MRM1: variants seen among roughly 807,000 people sequenced by gnomAD.
MRM1 encodes rRNA methyltransferase 1, mitochondrial.
A neutral mutation model predicts 25.0 loss-of-function variants in MRM1; 24 were observed. The observed-to-expected ratio is 0.96, with a 90% confidence interval of 0.69 to 1.35. MRM1 has a LOEUF of 1.35. Ranked by LOEUF, MRM1 falls within the 40% of genes most tolerant of loss-of-function variation. The pLI is 0.00. For missense variants in MRM1, 431 were observed against 464.1 expected (o/e 0.93, Z 0.65); for synonymous variants, 188 against 199.2 (o/e 0.94, Z 0.47).
the MRM1 span, among the ~76,000 whole-genome samples, chr17:36,630,219 C>A: frequency 6.6e-6 from 1 of 152,136 alleles, no homozygotes; most frequent in Non-Finnish European, 1.5e-5. Flanking sequence ...GCCTGCAGGC[C>A]CAGTAAACAC....
intron 2 of MRM1, 149 bp from the exon 3 acceptor site, chr17:36,607,521 G>A (rs923386032): frequency 4.4e-6 from 4 of 919,272 alleles, no homozygotes; most frequent in Non-Finnish European, 4.8e-6. Context: ...TACTTGGGAG[G>A]CTGAGGTGGG....
chr17:36,620,635 G>C, the MRM1 span, among the ~76,000 whole-genome samples: 1 of 152,166 alleles, frequency 6.6e-6, no homozygotes, highest in African/African-American at 2.4e-5. Context: ...ATATGTTTGG[G>C]GTTGATGGCC....
the MRM1 span, among the ~76,000 whole-genome samples, chr17:36,616,898 TTTG>T: frequency 6.6e-6 from 1 of 151,978 alleles, no homozygotes; most frequent in Non-Finnish European, 1.5e-5. Flanking sequence ...TAAAAACGTT[TTTG>T]TTGTTGTTGA....
the MRM1 span, among the ~76,000 whole-genome samples, chr17:36,622,401 A>C: frequency 6.6e-6 from 1 of 151,930 alleles, no homozygotes; most frequent in African/African-American, 2.4e-5. Flanking sequence ...GTGAAACCCC[A>C]TCTCTACTAA....
At chr17:36,628,295 A>G in the MRM1 span, among the ~76,000 whole-genome samples, 1 of 152,230 alleles carries the variant, frequency 6.6e-6, no homozygotes, top group Admixed American at 6.5e-5. Flanking sequence ...GCCAAAATGT[A>G]TGTTTTGGCA....
chr17:36,602,281 GA>G lies in MRM1; in HGVS notation c.473del (p.Asn158IlefsTer30). On this transcript the variant is annotated frameshift_variant, in exon 1 of 5. Transcript: ENST00000614766. LOFTEE classifies it high-confidence loss of function. The surrounding 1 kb of genome is among the most constrained non-coding windows in gnomAD (Gnocchi z 4.1). Reference sequence around the variant, plus strand: ...TCCTCGATGGGATCCAGGATCCCCGGAATTTTGGGGCTGTGCTGCGTTCCGC... The same window carrying G: ...TCCTCGATGGGATCCAGGATCCCCGGATTTTGGGGCTGTGCTGCGTTCCGC... ...LVLDGIQDPR[N>X]FGAVLRSAHF... 1 of 1,602,512 alleles carries G rather than the reference GA, an allele frequency of 6.2e-7. No homozygotes were observed. Among genetic ancestry groups the G allele is most frequent in the Non-Finnish European group, 8.5e-7 (1 of 1,172,112 alleles).
At chr17:36,604,182 C>T (rs1271907702) in intron 2 of MRM1, among the ~76,000 whole-genome samples, 6 of 152,238 alleles carry the variant, frequency 3.9e-5, no homozygotes, top group Non-Finnish European at 7.3e-5. Context: ...CTCTCTTCAG[C>T]ATGCAAGCAA....
Position 36,602,379 on chromosome 17 carries a change from G to C in MRM1, c.542+27G>C. 6.4e-7 allele frequency: 1 copy of C among 1,550,474 alleles called. No individual in the cohort carries two copies. Among genetic ancestry groups the C allele is most frequent in the South Asian group, 1.2e-5 (1 of 81,888 alleles). On this transcript the variant is annotated intron_variant, in intron 1 of 4. Transcript: ENST00000614766. This position sits in a 1 kb window ranked among gnomAD's most constrained non-coding sequence, Gnocchi z 4.1. ...CACGGACGTCCCTCATTCTCTATGT[G>C]CCCCAACTTGGAGACGCAGCCGAGT...
downstream of MRM1, among the ~76,000 whole-genome samples, chr17:36,611,301 C>T (rs1394906105): frequency 1.3e-5 from 2 of 152,200 alleles, no homozygotes; most frequent in African/African-American, 4.8e-5. Context: ...GTGCTCATTC[C>T]AGTCCTGGCT....
Position 36,607,682 on chromosome 17 carries a change from C to G in MRM1, c.649C>G (p.Gln217Glu). ...LTGFLQTKAQQGWLVAGTVGC... is the reference protein window; with the variant it reads ...LTGFLQTKAQEGWLVAGTVGC... ...TTCCCCCTTTCAGACCAAAGCCCAGCAGGGCTGGCTCGTGGCCGGCACGGT... is the reference window on the plus strand; with the variant it reads ...TTCCCCCTTTCAGACCAAAGCCCAGGAGGGCTGGCTCGTGGCCGGCACGGT... Residue 217 changes from glutamine to glutamate, a missense_variant, in exon 3 of 5, where the codon CAG becomes GAG. Physicochemically the swap from Gln to Glu is conservative, Grantham distance 29 (BLOSUM62 2). Transcript: ENST00000614766. The G allele has an allele frequency of 6.2e-7, 1 of 1,613,532 alleles. No individual in the cohort carries two copies. Among genetic ancestry groups the G allele is most frequent in the South Asian group, 1.1e-5 (1 of 91,018 alleles).
At chr17:36,625,285 G>A in the MRM1 span, among the ~76,000 whole-genome samples, 1 of 151,998 alleles carries the variant, frequency 6.6e-6, no homozygotes, top group African/African-American at 2.4e-5. Context: ...ACTGTCCACA[G>A]TTGGCCCCAG....
In MRM1 at chr17:36,608,286, C is replaced by A; in HGVS notation, c.933C>A (p.Pro311=). ...HSICSQRKGF[P]TEGERRQLLQ... is the part of the protein sequence containing the mutation. ...TTTGCAGCCAGAGGAAGGGTTTCCC[C>A]ACAGAGGGGGAGAGAAGGCAGCTTC... Residue 311 remains proline (P), a synonymous_variant, in exon 5 of 5, where the codon CCC becomes CCA. Coordinates refer to ENST00000614766, the MANE Select transcript of MRM1 (RefSeq NM_024864.5). 1 of 1,600,138 alleles carries A rather than the reference C, an allele frequency of 6.2e-7. No homozygotes were observed. The highest frequency in any genetic ancestry group is 1.7e-4 in the Middle Eastern group (1 of 5,946).
chr17:36,610,097 AT>A (rs577686745), downstream of MRM1, among the ~76,000 whole-genome samples: 19 of 146,056 alleles, frequency 1.3e-4, no homozygotes, highest in Middle Eastern at 3.6e-3. Flanking sequence ...TAATTTTTAT[AT>A]TTTTTTTTTG....
At chr17:36,629,877 C>A in the MRM1 span, among the ~76,000 whole-genome samples, 1 of 152,182 alleles carries the variant, frequency 6.6e-6, no homozygotes, top group African/African-American at 2.4e-5. Flanking sequence ...ATCTGCCTTG[C>A]CCTTGGACAA....
Position 36,601,678 on chromosome 17 carries a change from C to T in MRM1, c.-133C>T. Reference sequence around the variant, plus strand: ...GTAATCGGGGCTGTTTGTTCCTGTCCGAGAGAGCTCGGCGGAGACGGCTGT... The same window carrying T: ...GTAATCGGGGCTGTTTGTTCCTGTCTGAGAGAGCTCGGCGGAGACGGCTGT... On this transcript the variant is annotated 5_prime_UTR_variant, in exon 1 of 5. Transcript: ENST00000614766. 1.0e-6 allele frequency: 1 copy of T among 983,318 alleles called. No homozygotes were observed. The highest frequency in any genetic ancestry group is 1.4e-6 in the Non-Finnish European group (1 of 691,446). 60.9% of individuals were successfully genotyped at this position (983,318 alleles called of 1,614,324 possible). A position where few individuals can be genotyped will look rare whatever the true frequency, so the allele number is the denominator to read the frequency against.
downstream of MRM1, among the ~76,000 whole-genome samples, chr17:36,610,768 T>C (rs1010274893): frequency 3.9e-5 from 6 of 152,208 alleles, no homozygotes; most frequent in African/African-American, 1.4e-4. Context: ...CAGAGGCACC[T>C]GACTGATTAA....
the MRM1 span, among the ~76,000 whole-genome samples, chr17:36,631,303 C>A: frequency 1.3e-5 from 2 of 152,214 alleles, no homozygotes; most frequent in South Asian, 2.1e-4. Flanking sequence ...TGCATGGGAG[C>A]ACAGGGGATC....
the MRM1 span, among the ~76,000 whole-genome samples, chr17:36,621,900 A>G: frequency 6.6e-6 from 1 of 151,680 alleles, no homozygotes; most frequent in Non-Finnish European, 1.5e-5. Flanking sequence ...TGCATTGTGT[A>G]TCTGTCTGTG....
chr17:36,606,907 G>GT (rs2074933911), intron 2 of MRM1, among the ~76,000 whole-genome samples: 2 of 105,650 alleles, frequency 1.9e-5, no homozygotes, highest in African/African-American at 4.2e-5. Flanking sequence ...TACTGCGCCT[G>GT]GTTTTTTGTT....
Sources: gnomAD v4.1 joint callset for allele counts (sites outside exome capture counted in the v4.1 genomes callset) on GRCh38, gnomAD v4.1.1 for gene constraint, Gnocchi (gnomAD v3.1) non-coding constraint, MANE v1.5 for transcripts, NCBI Gene and HGNC (gene_info 2026-07-23, HGNC 2026-07-21) for gene names.